The following TARDBP variants were observed in gnomAD, a reference collection of about 807,000 sequenced individuals.
The protein encoded by TARDBP is TAR DNA binding protein.
TARDBP carries 4 observed loss-of-function variants against 38.3 expected under a neutral mutation model. The ratio of observed to expected loss-of-function variants is 0.10; its 90% CI spans 0.05 to 0.24. The LOEUF (loss-of-function observed/expected upper bound fraction) is 0.24. Among genes scored for constraint, TARDBP ranks in the 10% least tolerant of loss-of-function variants. The probability of loss-of-function intolerance (pLI) is 1.00; values close to 1 mark genes in which losing one functional copy is unlikely to be tolerated. For missense variants in TARDBP, 202 were observed against 521.9 expected, an observed-to-expected ratio of 0.39 and a Z score of 5.97; for synonymous variants, 184 against 183.8, an observed-to-expected ratio of 1.00 and a Z score of -0.01.
At position 11,023,699 on chromosome 1, in the gene TARDBP, G is replaced by A. The variant is rs775184230; in HGVS notation, c.*1045G>A. The A allele has an allele frequency of 5.6e-6, 1 of 177,456 alleles. No homozygotes were observed. Among genetic ancestry groups the A allele is most frequent in the Non-Finnish European group, 1.2e-5 (1 of 83,536 alleles). The allele number at this position is 177,456 out of a possible 1,614,324, so 11.0% of individuals were successfully genotyped here. A position where few individuals can be genotyped will look rare whatever the true frequency, so the allele number is the denominator to read the frequency against. ...TTTTGTTCTTAGATAACCCACATTAGATGAATGTGTTAAGTGAAATGATAC... is the reference window on the plus strand; with the variant it reads ...TTTTGTTCTTAGATAACCCACATTAAATGAATGTGTTAAGTGAAATGATAC... On this transcript the variant is annotated 3_prime_UTR_variant, in exon 6 of 6. Transcript: ENST00000240185.
downstream of TARDBP, chr1:11,025,885 G>A (rs1054211943): frequency 1.9e-5 from 3 of 154,810 alleles, no homozygotes; most frequent in Non-Finnish European, 4.4e-5. Flanking sequence ...TTGTTGTTGA[G>A]TATGAGCAAA....
At chr1:11,017,090 G>C (rs945445202) in intron 3 of TARDBP, 83 bp downstream of exon 3, 2 of 1,446,412 alleles carry the variant, frequency 1.4e-6, no homozygotes, top group African/African-American at 2.8e-5. Flanking sequence ...ATAGAGATGG[G>C]GTATCACTAT....
chr1:11,026,707 G>T, downstream of TARDBP: 1 of 463,138 alleles, frequency 2.2e-6, no homozygotes, highest in Non-Finnish European at 3.7e-6. Flanking sequence ...AATGGGTAAG[G>T]CTGGAATTAA....
At chr1:11,014,361 GAGCA>G in intron 2 of TARDBP, among the ~76,000 whole-genome samples, 1 of 152,232 alleles carries the variant, frequency 6.6e-6, no homozygotes, top group African/African-American at 2.4e-5. Context: ...TCCCTTAAAT[GAGCA>G]AACAGTTGGA....
intron 1 of TARDBP, 127 bp downstream of exon 1, chr1:11,012,870 C>G (rs781034544): frequency 6.6e-6 from 1 of 152,376 alleles, no homozygotes; most frequent in African/African-American, 2.4e-5. Context: ...CGGGCCTAGT[C>G]CTGCCCGAGC....
Position 11,021,027 on chromosome 1 carries a change from C to T in TARDBP, c.714+428C>T, listed in dbSNP as rs574435227. Among the ~76,000 whole-genome samples the T allele has an allele frequency of 7.9e-4, 120 of 152,078 alleles. 2 individuals are homozygous for T. In the South Asian group the frequency reaches 0.01, roughly 13 times the overall value. ...CTTGTAAGACGTAGGGTGTATGGGCCTAGATGTTTGTGATACCTGTATCTG... is the reference window on the plus strand; with the variant it reads ...CTTGTAAGACGTAGGGTGTATGGGCTTAGATGTTTGTGATACCTGTATCTG... On this transcript the variant is annotated intron_variant, in intron 5 of 5. Transcript: ENST00000240185.
intron 1 of TARDBP, among the ~76,000 whole-genome samples, chr1:11,013,007 C>T (rs758635861): frequency 6.6e-6 from 1 of 152,352 alleles, no homozygotes; most frequent in East Asian, 1.9e-4. Flanking sequence ...AGTGCCGGAG[C>T]CTTCGGTACT....
In TARDBP at chr1:11,018,624, C is replaced by A. The variant is rs143585777; in HGVS notation, c.403-109C>A. On this transcript the variant is annotated intron_variant, in intron 3 of 5. Transcript: ENST00000240185. ...GACTAACTTGGTTTAAGTTTTAAGC[C>A]ACTGCATCCAGTTGAAACCATTCAA... 690 of 1,494,746 alleles carry A rather than the reference C, an allele frequency of 4.6e-4. 6 individuals are homozygous for A. The East Asian group carries it at 0.014, about 31-fold the overall frequency. 92.6% of individuals were successfully genotyped at this position (1,494,746 alleles called of 1,614,324 possible).
At chr1:11,027,309 C>T, downstream of TARDBP, 2 of 1,613,924 alleles carry the variant, frequency 1.2e-6, no homozygotes, top group African/African-American at 1.3e-5. Flanking sequence ...CGTGATGTTG[C>T]TATTGATTAC....
At chr1:11,026,382 C>T (rs2261695), downstream of TARDBP, 124,696 of 152,362 alleles carry the variant, frequency 0.82, 51,100 homozygotes, top group East Asian at 0.86. Context: ...TCCCACCATT[C>T]TGTAGTATTG....
chr1:11,017,889 T>C (rs1477152578), intron 3 of TARDBP, among the ~76,000 whole-genome samples: 4 of 49,908 alleles, frequency 8.0e-5, no homozygotes, highest in African/African-American at 2.6e-4. Flanking sequence ...TTCTCTTTTT[T>C]CTTTTTTTTT....
chr1:11,026,728 G>T, downstream of TARDBP: 1 of 519,010 alleles, frequency 1.9e-6, no homozygotes, highest in Non-Finnish European at 3.2e-6. Context: ...ACTGGCAAGT[G>T]GAGAAATGAC....
chr1:11,023,514 TTGG>T lies in TARDBP; in HGVS notation c.*866_*868del, dbSNP rs1429025854. On this transcript the variant is annotated 3_prime_UTR_variant, in exon 6 of 6. Coordinates refer to ENST00000240185, the MANE Select transcript of TARDBP (RefSeq NM_007375.4). ...AAAAGGAGAGAGCGCGTGCAGAGAC[TTGG>T]TGGTGCATAATGGATATTTTTTAAC... 4.0e-6 allele frequency: 2 copies of T among 506,274 alleles called. No individual in the cohort carries two copies. Among genetic ancestry groups the T allele is most frequent in the Non-Finnish European group, 7.0e-6 (2 of 285,096 alleles). The allele number at this position is 506,274 out of a possible 1,614,324, so 31.4% of individuals were successfully genotyped here.
downstream of TARDBP, among the ~76,000 whole-genome samples, chr1:11,028,718 T>G (rs1429545200): frequency 1.3e-3 from 191 of 149,456 alleles, 1 homozygote; most frequent in African/African-American, 4.2e-3. Context: ...TTTTTTTTTT[T>G]TTTTTTTTTT....
downstream of TARDBP, chr1:11,027,408 C>G (rs1320920537): frequency 3.7e-6 from 6 of 1,614,054 alleles, no homozygotes; most frequent in Admixed American, 8.3e-5. Flanking sequence ...AGCTTCAGAC[C>G]AGGCTTGTGT....
In TARDBP at chr1:11,020,674, G is replaced by A. The variant is rs1176425836; in HGVS notation, c.714+75G>A. 1.1e-5 allele frequency: 17 copies of A among 1,522,850 alleles called. No homozygotes were observed. The African/African-American group carries it at 1.6e-4, about 15-fold the overall frequency. The allele number at this position is 1,522,850 out of a possible 1,614,324, so 94.3% of individuals were successfully genotyped here. ...TTACAATCCCAGCACTTTGGAGGCCGAGGCGGGTGGATCACGAGGTCAGGA... is the reference window on the plus strand; with the variant it reads ...TTACAATCCCAGCACTTTGGAGGCCAAGGCGGGTGGATCACGAGGTCAGGA... On this transcript the variant is annotated intron_variant, in intron 5 of 5. Transcript: ENST00000240185.
At chr1:11,017,657 T>C (rs1373828576) in intron 3 of TARDBP, among the ~76,000 whole-genome samples, 1 of 152,240 alleles carries the variant, frequency 6.6e-6, no homozygotes, top group Non-Finnish European at 1.5e-5. Context: ...TAGGTGACAA[T>C]AGCTTTTCTT....
chr1:11,023,396 GC>G lies in TARDBP; in HGVS notation c.*743del. The G allele has an allele frequency of 1.2e-6, 1 of 853,188 alleles. No homozygotes were observed. Among genetic ancestry groups the G allele is most frequent in the East Asian group, 2.7e-5 (1 of 36,948 alleles). The allele number at this position is 853,188 out of a possible 1,614,324, so 52.9% of individuals were successfully genotyped here. A position where few individuals can be genotyped will look rare whatever the true frequency, so the allele number is the denominator to read the frequency against. ...GTCGTATCAACGCTATGAACGCAAG[GC>G]TGTGATATGGAACCAGAAGGCTGTC... On this transcript the variant is annotated 3_prime_UTR_variant, in exon 6 of 6. Transcript: ENST00000240185.
chr1:11,020,923 ATAT>A (rs755863012), intron 5 of TARDBP, among the ~76,000 whole-genome samples: 45 of 152,048 alleles, frequency 3.0e-4, no homozygotes, highest in Non-Finnish European at 1.2e-4. Context: ...AAAAAAAAAA[ATAT>A]GTCCCAGGTA....
Sources: gnomAD v4.1 joint callset for allele counts (sites outside exome capture counted in the v4.1 genomes callset) on GRCh38, gnomAD v4.1.1 for gene constraint, MANE v1.5 for transcripts, NCBI Gene and HGNC (gene_info 2026-07-23, HGNC 2026-07-21) for gene names.